LIPI: variants seen among roughly 807,000 people sequenced by gnomAD.
LIPI encodes the protein lipase I, also known as lipase member I.
Under a neutral mutation model 50.6 loss-of-function variants are expected in LIPI, and 59 were observed. That is an observed-to-expected ratio of 1.16 (90% confidence interval 0.94 to 1.45). The LOEUF (loss-of-function observed/expected upper bound fraction) is 1.45, where lower values mean the gene tolerates loss of function less well. Ranked by LOEUF, LIPI falls within the 40% of genes most tolerant of loss-of-function variation. The probability of loss-of-function intolerance (pLI) is 0.00; values close to 1 mark genes in which losing one functional copy is unlikely to be tolerated. For missense variants in LIPI, 586 were observed against 536.3 expected, an observed-to-expected ratio of 1.09 and a Z score of -0.92; for synonymous variants, 203 against 178.2, an observed-to-expected ratio of 1.14 and a Z score of -1.11.
At chr21:14,162,794 A>G (rs948897927) in intron 7 of LIPI, among the ~76,000 whole-genome samples, 4 of 151,902 alleles carry the variant, frequency 2.6e-5, no homozygotes, top group African/African-American at 9.7e-5. Flanking sequence ...CTTATCTCTC[A>G]GTAATCAAAA....
intron 3 of LIPI, among the ~76,000 whole-genome samples, chr21:14,182,647 A>C (rs2019312598): frequency 6.6e-6 from 1 of 152,134 alleles, no homozygotes; most frequent in African/African-American, 2.4e-5. Flanking sequence ...CTAGGAATCC[A>C]ACTTACAAGG....
At chr21:14,200,098 T>C (rs1044805167) in intron 1 of LIPI, among the ~76,000 whole-genome samples, 3 of 152,078 alleles carry the variant, frequency 2.0e-5, no homozygotes, top group African/African-American at 4.8e-5. Flanking sequence ...TGAAGGAACA[T>C]GCCTCAAGAT....
rs376039497 is a variant in LIPI, at chr21:14,204,408, T to C, written c.46+6392A>G. On this transcript the variant is annotated intron_variant, in intron 1 of 9. Transcript: ENST00000681601. ...AAAGAAATTTTTAAAAATACAGTAC[T>C]GAAATACACCATGATTGAATATAAG... Among the ~76,000 whole-genome samples, 6 of 152,040 alleles carry C rather than the reference T, an allele frequency of 3.9e-5. 1 individual carries two copies. Among genetic ancestry groups the C allele is most frequent in the Admixed American group, 1.3e-4 (2 of 15,244 alleles).
chr21:14,126,297 C>T (rs918426482), intron 9 of LIPI, among the ~76,000 whole-genome samples: 6 of 152,146 alleles, frequency 3.9e-5, no homozygotes, highest in African/African-American at 1.2e-4. Context: ...GCAAGCAAAC[C>T]ATATGTCCTC....
chr21:14,127,484 A>T (rs1332688871), intron 9 of LIPI, among the ~76,000 whole-genome samples: 2 of 152,164 alleles, frequency 1.3e-5, no homozygotes, highest in Non-Finnish European at 2.9e-5. Context: ...ACATTTAATA[A>T]ATTTTCATAG....
intron 4 of LIPI, among the ~76,000 whole-genome samples, chr21:14,179,195 T>C (rs1373667694): frequency 1.3e-5 from 2 of 152,040 alleles, no homozygotes; most frequent in Non-Finnish European, 2.9e-5. Context: ...AAAGGCCACA[T>C]GGCTTTCTGA....
chr21:14,166,323 G>A lies in LIPI; in HGVS notation c.733+39C>T, dbSNP rs78659219. 2.4e-3 allele frequency: 2,595 copies of A among 1,095,554 alleles called. 40 individuals carry two copies. In the African/African-American group the frequency reaches 0.033, roughly 14 times the overall value. 67.9% of individuals were successfully genotyped at this position (1,095,554 alleles called of 1,614,324 possible). ...GTAAGTTATTTTCTTTCATCATTTCGAATATTATGTAGTTCATTCAAAAAT... is the reference window on the plus strand; with the variant it reads ...GTAAGTTATTTTCTTTCATCATTTCAAATATTATGTAGTTCATTCAAAAAT... On this transcript the variant is annotated intron_variant, in intron 5 of 9. Coordinates refer to ENST00000681601, the MANE Select transcript of LIPI (RefSeq NM_001302998.2).
At chr21:14,207,063 A>C (rs1022228293) in intron 1 of LIPI, 3 of 669,482 alleles carry the variant, frequency 4.5e-6, no homozygotes, top group Non-Finnish European at 8.2e-6. Context: ...TTCTATGGCC[A>C]CAGAGCCAGT....
intron 9 of LIPI, among the ~76,000 whole-genome samples, chr21:14,135,595 G>A (rs897458845): frequency 1.3e-5 from 2 of 152,266 alleles, no homozygotes; most frequent in African/African-American, 4.8e-5. Context: ...ACCAGCCCAC[G>A]GAGGGAGTAT....
chr21:14,114,677 TC>T (rs1449321618), intron 9 of LIPI, among the ~76,000 whole-genome samples: 1 of 152,144 alleles, frequency 6.6e-6, no homozygotes, highest in Non-Finnish European at 1.5e-5. Context: ...CGGTCTTTGG[TC>T]AGGACATGCC....
rs544143698 is a variant in LIPI at position 14,140,578 on chromosome 21, GCC to G, written c.1295+4043_1295+4044del. 1.3e-4 allele frequency among the ~76,000 whole-genome samples: 20 copies of G among 151,584 alleles called. No individual in the cohort carries two copies. The East Asian group carries it at 3.5e-3, about 26-fold the overall frequency. On this transcript the variant is annotated intron_variant, in intron 9 of 9. Coordinates refer to ENST00000681601, the MANE Select transcript of LIPI (RefSeq NM_001302998.2). ...CATTATTGTGCAAATATAAACATTT[GCC>G]TAGATTTTCCTCCATTTTTTTGTTT...
At chr21:14,204,344 CAGAA>C (rs1431769696) in intron 1 of LIPI, among the ~76,000 whole-genome samples, 3 of 147,918 alleles carry the variant, frequency 2.0e-5, no homozygotes, top group African/African-American at 7.5e-5. Flanking sequence ...GAAAAGAAAA[CAGAA>C]AGAAGAGGAA....
intron 9 of LIPI, among the ~76,000 whole-genome samples, chr21:14,131,014 G>GATCTCAGCTCACTGCA (rs1568839442): frequency 6.6e-6 from 1 of 152,110 alleles, no homozygotes. Flanking sequence ...GCAGTGGCAC[G>GATCTCAGCTCACTGCA]ATCTCAGCTC....
chr21:14,173,476 A>G (rs1225031255), intron 4 of LIPI, among the ~76,000 whole-genome samples: 1 of 152,204 alleles, frequency 6.6e-6, no homozygotes, highest in Admixed American at 6.5e-5. Flanking sequence ...TAACTCAGAG[A>G]AGCCTTAACA....
At chr21:14,151,781 C>A (rs983548323) in intron 8 of LIPI, among the ~76,000 whole-genome samples, 2 of 151,930 alleles carry the variant, frequency 1.3e-5, no homozygotes, top group Non-Finnish European at 2.9e-5. Context: ...AATTATATAA[C>A]CTTAAAATAT....
chr21:14,201,006 T>TG (rs773533045), intron 1 of LIPI, among the ~76,000 whole-genome samples: 3 of 150,654 alleles, frequency 2.0e-5, no homozygotes, highest in East Asian at 3.9e-4. Context: ...CCAAAAACAA[T>TG]GGAAAGGATT....
chr21:14,116,770 G>A (rs1298720467), intron 9 of LIPI, among the ~76,000 whole-genome samples: 1 of 152,146 alleles, frequency 6.6e-6, no homozygotes, highest in Admixed American at 6.5e-5. Flanking sequence ...CTACAGGCCT[G>A]CTTTGAAGAT....
chr21:14,171,928 C>T (rs1317394467), intron 4 of LIPI, among the ~76,000 whole-genome samples: 2 of 149,554 alleles, frequency 1.3e-5, no homozygotes, highest in East Asian at 2.0e-4. Context: ...AGTGAACAGG[C>T]AACCTACAAA....
At chr21:14,139,637 A>G (rs933838150) in intron 9 of LIPI, among the ~76,000 whole-genome samples, 1 of 152,220 alleles carries the variant, frequency 6.6e-6, no homozygotes, top group African/African-American at 2.4e-5. Flanking sequence ...AGAGGACAGT[A>G]TAGATAATAA....
Sources: allele counts gnomAD v4.1 joint callset (sites outside exome capture counted in the v4.1 genomes callset), GRCh38; gene constraint gnomAD v4.1.1; transcripts MANE v1.5; gene names NCBI Gene and HGNC (gene_info 2026-07-23, HGNC 2026-07-21).